The following MAML2 variants were observed in gnomAD, a reference collection of about 807,000 sequenced individuals.
MAML2 encodes the protein mastermind like transcriptional coactivator 2.
A neutral mutation model predicts 96.1 loss-of-function variants in MAML2; 22 were observed. The observed-to-expected ratio is 0.23, with a 90% CI of 0.16 to 0.33. The LOEUF (loss-of-function observed/expected upper bound fraction) is 0.33. Ranked by LOEUF, MAML2 falls within the 10% of genes least tolerant of loss-of-function variation. The probability of loss-of-function intolerance (pLI) is 1.00; values close to 1 mark genes in which losing one functional copy is unlikely to be tolerated. For synonymous variants in MAML2, 561 were observed against 521.3 expected, an observed-to-expected ratio of 1.08 and a Z score of -1.04; for missense variants, 1,367 against 1,392.4, an observed-to-expected ratio of 0.98 and a Z score of 0.29.
At chr11:96,261,062 A>G (rs1355445769) in intron 1 of MAML2, among the ~76,000 whole-genome samples, 3 of 152,172 alleles carry the variant, frequency 2.0e-5, no homozygotes, top group Non-Finnish European at 4.4e-5. Context: ...TCCAAAACGC[A>G]TGTTGGAACT....
intron 2 of MAML2, among the ~76,000 whole-genome samples, chr11:96,044,918 A>G (rs1338275591): frequency 1.3e-5 from 2 of 152,250 alleles, no homozygotes; most frequent in African/African-American, 4.8e-5. Context: ...GAATCAGGAT[A>G]TGCCTGCACT....
intron 4 of MAML2, among the ~76,000 whole-genome samples, chr11:95,984,560 C>G (rs1857796246): frequency 6.6e-6 from 1 of 152,144 alleles, no homozygotes; most frequent in South Asian, 2.1e-4. Context: ...ATAGCTGGGA[C>G]TACAGGCACG....
rs551165660 is a variant in MAML2, at chr11:96,249,491, A to C, written c.513+91892T>G. Among the ~76,000 whole-genome samples, 7 of 151,986 alleles carry C rather than the reference A, an allele frequency of 4.6e-5. 1 individual carries two copies. In the South Asian group the frequency reaches 1.5e-3, roughly 32 times the overall value. The stretch of plus-strand genomic sequence containing the variant: ...GTCAAACTAAAATGTCCAAAATGAA[A>C]CTTCAGTTCTCTCGCCTCTTCTTTC... On this transcript the variant is annotated intron_variant, in intron 1 of 4. Transcript: ENST00000524717.
intron 1 of MAML2, among the ~76,000 whole-genome samples, chr11:96,332,973 T>C (rs1244011606): frequency 1.3e-5 from 2 of 152,140 alleles, no homozygotes; most frequent in Admixed American, 6.5e-5. Context: ...TTATTAGAGG[T>C]TGTAGCCGAC....
Position 96,149,945 on chromosome 11 carries a change from C to T in MAML2, c.514-56428G>A, listed in dbSNP as rs181019920. Among the ~76,000 whole-genome samples the T allele has an allele frequency of 4.6e-5, 7 of 152,242 alleles. No individual in the cohort carries two copies. In the East Asian group the frequency reaches 1.4e-3, roughly 29 times the overall value. ...GATCCACCGCCATGTTCTTAACTGT[C>T]ACCTCAATGCATATGACTCCTGAGT... On this transcript the variant is annotated intron_variant, in intron 1 of 4. Transcript: ENST00000524717.
chr11:95,977,920 T>C lies in MAML2; in HGVS notation c.*1028A>G. 4.5e-6 allele frequency: 1 copy of C among 224,138 alleles called. No individual in the cohort carries two copies. The highest frequency in any genetic ancestry group is 8.9e-6 in the Non-Finnish European group (1 of 112,308). 13.9% of individuals were successfully genotyped at this position (224,138 alleles called of 1,614,324 possible). ...TGTACACACTGGTACTTGCCATCCCTGGTTCTTATCTCCAACCAAAACATG... is the reference window on the plus strand; with the variant it reads ...TGTACACACTGGTACTTGCCATCCCCGGTTCTTATCTCCAACCAAAACATG... On this transcript the variant is annotated 3_prime_UTR_variant, in exon 5 of 5. Coordinates refer to ENST00000524717, the MANE Select transcript of MAML2 (RefSeq NM_032427.4).
At chr11:96,138,195 G>T (rs758235973) in intron 1 of MAML2, among the ~76,000 whole-genome samples, 3 of 152,134 alleles carry the variant, frequency 2.0e-5, no homozygotes, top group Non-Finnish European at 4.4e-5. Flanking sequence ...AAGCAAGGTG[G>T]AATGCCAAAA....
At chr11:96,182,754 T>G (rs991427546) in intron 1 of MAML2, among the ~76,000 whole-genome samples, 2 of 152,160 alleles carry the variant, frequency 1.3e-5, no homozygotes, top group South Asian at 2.1e-4. Context: ...AACTCAGGTC[T>G]CACTCTAAGC....
intron 3 of MAML2, among the ~76,000 whole-genome samples, 173 bp downstream of exon 3, chr11:95,991,347 T>TG (rs1332510792): frequency 4.5e-4 from 4 of 8,986 alleles, no homozygotes; most frequent in Non-Finnish European, 6.5e-4. Context: ...AAATCAAGTT[T>TG]GGGTTTTTTT....
At chr11:96,084,588 C>T (rs1726681514) in intron 2 of MAML2, among the ~76,000 whole-genome samples, 1 of 152,200 alleles carries the variant, frequency 6.6e-6, no homozygotes, top group Non-Finnish European at 1.5e-5. Flanking sequence ...CCCCACCCTT[C>T]CACCTTTCAA....
intron 2 of MAML2, among the ~76,000 whole-genome samples, chr11:96,061,341 AG>A (rs1859156404): frequency 6.6e-6 from 1 of 152,202 alleles, no homozygotes. Flanking sequence ...GGTGAAGGAC[AG>A]AAGTTCACAT....
intron 1 of MAML2, among the ~76,000 whole-genome samples, chr11:96,111,657 A>T (rs1268562838): frequency 6.6e-6 from 1 of 152,222 alleles, no homozygotes; most frequent in Admixed American, 6.5e-5. Flanking sequence ...CATACGCATA[A>T]CCTCTAGGTG....
intron 1 of MAML2, among the ~76,000 whole-genome samples, chr11:96,211,813 C>T (rs1861976723): frequency 6.6e-6 from 1 of 151,930 alleles, no homozygotes; most frequent in African/African-American, 2.4e-5. Flanking sequence ...TAACATTTTT[C>T]CTAATAGAAG....
At position 96,299,044 on chromosome 11, in the gene MAML2, CA is replaced by C. The variant is rs71040142; in HGVS notation, c.513+42338del. On this transcript the variant is annotated intron_variant, in intron 1 of 4. Transcript: ENST00000524717. The stretch of plus-strand genomic sequence containing the variant: ...TGGGCAACAGAGCGAGAGTCCATCT[CA>C]AAAAAAAAAAAAAAAATATATATAT... Among the ~76,000 whole-genome samples the C allele has an allele frequency of 7.9e-3, 639 of 80,780 alleles. 5 individuals carry two copies. The highest frequency in any genetic ancestry group is 0.019 in the Middle Eastern group (2 of 108). 53.0% of individuals were successfully genotyped at this position (80,780 alleles called of 152,430 possible). A position where few individuals can be genotyped will look rare whatever the true frequency, so the allele number is the denominator to read the frequency against.
chr11:95,991,607 T>C lies in MAML2; in HGVS notation c.2256A>G (p.Gln752=). The C allele has an allele frequency of 6.2e-7, 1 of 1,613,810 alleles. No individual in the cohort carries two copies. The highest frequency in any genetic ancestry group is 1.1e-5 in the South Asian group (1 of 91,082). ...GTAGAGTCTGCTTCTTTCCCATCAATTGCTGATTCAACAGTGATTGCTGGG... is the reference window on the plus strand; with the variant it reads ...GTAGAGTCTGCTTCTTTCCCATCAACTGCTGATTCAACAGTGATTGCTGGG... The part of the protein sequence containing the change: ...MNSQQSLLNQ[Q]LMGKKQTLQR... Residue 752 remains glutamine (Q), a synonymous_variant, in exon 3 of 5, where the codon CAA becomes CAG. Coordinates refer to ENST00000524717, the MANE Select transcript of MAML2 (RefSeq NM_032427.4).
At chr11:95,995,272 C>G (rs1390656454) in intron 2 of MAML2, among the ~76,000 whole-genome samples, 3 of 152,156 alleles carry the variant, frequency 2.0e-5, no homozygotes, top group Non-Finnish European at 1.5e-5. Flanking sequence ...TTACCTTCAT[C>G]CTCCTACTTG....
In MAML2 at chr11:95,979,854, T is replaced by C. The variant is rs757617686; in HGVS notation, c.2565A>G (p.Thr855=). ...NSSLLSTSHG[T]RMPSLSTAVQ... ...CTGCTGTAGATAATGATGGCATTCT[T>C]GTCCCGTGAGAAGTAGACAGGAGGC... Residue 855 remains threonine (T), a synonymous_variant, in exon 5 of 5, where the codon ACA becomes ACG. Coordinates refer to ENST00000524717, the MANE Select transcript of MAML2 (RefSeq NM_032427.4). The C allele has an allele frequency of 2.5e-6, 4 of 1,614,000 alleles. No individual in the cohort carries two copies. The highest frequency in any genetic ancestry group is 3.4e-6 in the Non-Finnish European group (4 of 1,179,884).
At chr11:96,191,661 A>G (rs1861655278) in intron 1 of MAML2, among the ~76,000 whole-genome samples, 1 of 149,154 alleles carries the variant, frequency 6.7e-6, no homozygotes, top group Admixed American at 6.7e-5. Flanking sequence ...AGTCTCAGCT[A>G]CTCGGGAAGC....
At chr11:96,146,008 CA>C (rs528658005) in intron 1 of MAML2, among the ~76,000 whole-genome samples, 56 of 145,568 alleles carry the variant, frequency 3.8e-4, no homozygotes, top group African/African-American at 6.8e-4. Context: ...GACTCCGTCT[CA>C]AAAAAAAAAA....
Sources: gnomAD v4.1 joint callset for allele counts (sites outside exome capture counted in the v4.1 genomes callset) on GRCh38, gnomAD v4.1.1 for gene constraint, MANE v1.5 for transcripts, NCBI Gene and HGNC (gene_info 2026-07-23, HGNC 2026-07-21) for gene names.